The following KCNMB2 variants were observed in gnomAD, a reference collection of about 807,000 sequenced individuals.
KCNMB2 encodes potassium calcium-activated channel subfamily M regulatory beta subunit 2, also known as calcium-activated potassium channel subunit beta-2.
In KCNMB2, 9 loss-of-function variants were observed where a neutral mutation model predicts 24.5. That is an observed-to-expected ratio of 0.37 (90% CI 0.22 to 0.64). The LOEUF (loss-of-function observed/expected upper bound fraction) is 0.64, where lower values mean the gene tolerates loss of function less well. Among genes scored for constraint, KCNMB2 ranks in the 30% least tolerant of loss-of-function variants. The pLI, the probability that KCNMB2 is intolerant of heterozygous loss-of-function variation, is 0.63. For synonymous variants in KCNMB2, 109 were observed against 104.4 expected, an observed-to-expected ratio of 1.04 and a Z score of -0.27; for missense variants, 226 against 284.3, an observed-to-expected ratio of 0.79 and a Z score of 1.47.
chr3:178,797,039 T>TA (rs919330716), intron 1 of KCNMB2, among the ~76,000 whole-genome samples: 102 of 151,092 alleles, frequency 6.8e-4, no homozygotes, highest in African/African-American at 2.1e-3. Context: ...TAAAATCAGA[T>TA]AAAAAAAAGG....
chr3:178,768,101 C>T (rs1040630807), intron 1 of KCNMB2, among the ~76,000 whole-genome samples: 3 of 152,100 alleles, frequency 2.0e-5, no homozygotes, highest in Non-Finnish European at 4.4e-5. Context: ...TAGATTCCCC[C>T]AGAACAATTT....
chr3:178,739,843 C>A (rs916558079), intron 1 of KCNMB2, among the ~76,000 whole-genome samples: 2 of 152,060 alleles, frequency 1.3e-5, no homozygotes, highest in Non-Finnish European at 2.9e-5. Context: ...AAAGGGGATG[C>A]TATTAATAAT....
At chr3:178,733,029 G>C (rs1181112634) in intron 1 of KCNMB2, among the ~76,000 whole-genome samples, 7 of 152,160 alleles carry the variant, frequency 4.6e-5, no homozygotes. Flanking sequence ...TAAATATTTA[G>C]GGTTTCATTG....
chr3:178,815,548 C>T (rs1004374268), intron 2 of KCNMB2, among the ~76,000 whole-genome samples: 2 of 152,066 alleles, frequency 1.3e-5, no homozygotes, highest in Non-Finnish European at 2.9e-5. Context: ...TGTTATACTG[C>T]TAGTAAATCA....
intron 1 of KCNMB2, among the ~76,000 whole-genome samples, chr3:178,586,733 CAG>C (rs576724551): frequency 6.2e-4 from 94 of 151,674 alleles, no homozygotes; most frequent in African/African-American, 2.1e-3. Flanking sequence ...TTAGTAGAGA[CAG>C]GGTTTCACCG....
intron 2 of KCNMB2, among the ~76,000 whole-genome samples, chr3:178,820,072 T>C (rs914000418): frequency 2.6e-5 from 4 of 152,226 alleles, no homozygotes; most frequent in Non-Finnish European, 1.5e-5. Context: ...AAATATAGTC[T>C]TAAAATATTC....
chr3:178,639,922 A>C (rs757398036), intron 1 of KCNMB2, among the ~76,000 whole-genome samples: 7 of 152,184 alleles, frequency 4.6e-5, no homozygotes, highest in Non-Finnish European at 1.0e-4. Flanking sequence ...TGAGGGATGG[A>C]ATCAGTGTGA....
chr3:178,766,953 T>C (rs539807511), intron 1 of KCNMB2, among the ~76,000 whole-genome samples: 78 of 152,278 alleles, frequency 5.1e-4, no homozygotes, highest in Admixed American at 1.1e-3. Flanking sequence ...GGAAACAATC[T>C]AAGGCAATAG....
chr3:178,625,680 T>C (rs1212086450), intron 1 of KCNMB2, among the ~76,000 whole-genome samples: 1 of 152,202 alleles, frequency 6.6e-6, no homozygotes, highest in African/African-American at 2.4e-5. Flanking sequence ...TAAGTTCAAA[T>C]ACTAACCCTT....
chr3:178,550,564 G>A (rs1388838814), intron 1 of KCNMB2, among the ~76,000 whole-genome samples: 4 of 151,984 alleles, frequency 2.6e-5, no homozygotes, highest in African/African-American at 9.7e-5. Context: ...GTTCCCAGGA[G>A]TTAGGAGTGA....
intron 2 of KCNMB2, among the ~76,000 whole-genome samples, chr3:178,822,659 G>GGTA (rs1714678824): frequency 6.6e-6 from 1 of 152,100 alleles, no homozygotes. Flanking sequence ...CATTTTGCTG[G>GGTA]GTAGTATCCT....
chr3:178,675,546 A>G (rs1023069095), intron 1 of KCNMB2, among the ~76,000 whole-genome samples: 4 of 72,916 alleles, frequency 5.5e-5, no homozygotes, highest in African/African-American at 2.9e-4. Context: ...TAAAGAGTGC[A>G]AGTTAGCATC....
At position 178,552,492 on chromosome 3, in the gene KCNMB2, C is replaced by T. The variant is rs747454874; in HGVS notation, c.-68+15781C>T. The stretch of plus-strand genomic sequence containing the variant: ...TCTATTTTATTTACCTAATAATTTC[C>T]ATAACTGTATATCAATGGTACTATA... On this transcript the variant is annotated intron_variant, in intron 1 of 4. Transcript: ENST00000452583. Among the ~76,000 whole-genome samples the T allele has an allele frequency of 5.3e-5, 8 of 152,110 alleles. No homozygotes were observed. The South Asian group carries it at 1.2e-3, about 24-fold the overall frequency.
At chr3:178,735,259 C>T (rs571906024) in intron 1 of KCNMB2, among the ~76,000 whole-genome samples, 1 of 152,330 alleles carries the variant, frequency 6.6e-6, no homozygotes, top group South Asian at 2.1e-4. Context: ...CTGGTCAGAA[C>T]TAAGGCAGGA....
intron 1 of KCNMB2, among the ~76,000 whole-genome samples, chr3:178,566,760 C>T (rs947724282): frequency 1.3e-5 from 2 of 152,156 alleles, no homozygotes; most frequent in Non-Finnish European, 2.9e-5. Flanking sequence ...GGGGACATTT[C>T]AGCAAAAATT....
chr3:178,806,683 CATAATAATA>C lies in KCNMB2; in HGVS notation c.-67-634_-67-626del, dbSNP rs61194423. On this transcript the variant is annotated intron_variant, in intron 1 of 4. Coordinates refer to ENST00000452583, the MANE Select transcript of KCNMB2 (RefSeq NM_181361.3). Reference sequence around the variant, plus strand: ...GAAAGAACTTCTCCCAAAGCCAAGTCATAATAATAATAATAATAATAATAATAATAATAA... The same window carrying C: ...GAAAGAACTTCTCCCAAAGCCAAGTCATAATAATAATAATAATAATAATAA... Among the ~76,000 whole-genome samples, 520 of 147,780 alleles carry C rather than the reference CATAATAATA, an allele frequency of 3.5e-3. 1 individual carries two copies. The highest frequency in any genetic ancestry group is 9.7e-3 in the African/African-American group (391 of 40,264).
At chr3:178,623,296 G>A (rs1718986931) in intron 1 of KCNMB2, among the ~76,000 whole-genome samples, 1 of 152,194 alleles carries the variant, frequency 6.6e-6, no homozygotes, top group African/African-American at 2.4e-5. Flanking sequence ...CTCAGTGTCA[G>A]AGTTTGTTTG....
intron 1 of KCNMB2, among the ~76,000 whole-genome samples, chr3:178,693,138 GA>G (rs1721746709): frequency 6.6e-6 from 1 of 152,162 alleles, no homozygotes; most frequent in Admixed American, 6.5e-5. Context: ...ATCAGCTTAA[GA>G]AGCATTTAGG....
At chr3:178,586,538 C>CTTTTTTTTTCTTTCT (rs1717439508) in intron 1 of KCNMB2, among the ~76,000 whole-genome samples, 1 of 68,500 alleles carries the variant, frequency 1.5e-5, no homozygotes, top group African/African-American at 5.7e-5. Context: ...TTTTTTCTTT[C>CTTTTTTTTTCTTTCT]TTTTTTTTTT....
Sources: gnomAD v4.1 joint callset for allele counts (sites outside exome capture counted in the v4.1 genomes callset) on GRCh38, gnomAD v4.1.1 for gene constraint, MANE v1.5 for transcripts, NCBI Gene and HGNC (gene_info 2026-07-23, HGNC 2026-07-21) for gene names.